Variants in MGMT observed in about 807,000 individuals in gnomAD.
MGMT encodes methylated-DNA--protein-cysteine methyltransferase.
A neutral mutation model predicts 15.9 loss-of-function variants in MGMT; 14 were observed. The observed-to-expected ratio is 0.88, with a 90% CI of 0.58 to 1.37. The LOEUF is 1.37. Ranked by LOEUF, MGMT falls within the 40% of genes most tolerant of loss-of-function variation. MGMT has a pLI of 0.00. For missense variants in MGMT, 282 were observed against 268.1 expected (o/e 1.05, Z -0.36); for synonymous variants, 130 against 118.2 (o/e 1.10, Z -0.65).
rs559670340 is a variant in MGMT, at chr10:129,642,389, C to G, written c.126-65506C>G. On this transcript the variant is annotated intron_variant, in intron 2 of 4. Transcript: ENST00000651593. ...TTTTGAAAATGATGTTCCCAGGAAT[C>G]TTTATAACCAAGGAGAATCCTTACT... 9.3e-4 allele frequency among the ~76,000 whole-genome samples: 141 copies of G among 152,100 alleles called. 1 individual carries two copies. The highest frequency in any genetic ancestry group is 3.4e-3 in the African/African-American group (140 of 41,472).
intron 1 of MGMT, among the ~76,000 whole-genome samples, chr10:129,527,751 C>T (rs1463981219): frequency 7.0e-6 from 1 of 142,680 alleles, no homozygotes; most frequent in Admixed American, 6.9e-5. Flanking sequence ...CCGTGTTCTC[C>T]CTCGTTTCTC....
In MGMT at chr10:129,751,248, A is replaced by G. The variant is rs138220763; in HGVS notation, c.275-7954A>G. ...ATAGGAGTATTCAGTTTCATCTTGG[A>G]TAAGTTTGGTAGTTTGTAGTTTTTG... On this transcript the variant is annotated intron_variant, in intron 3 of 4. Transcript: ENST00000651593. Among the ~76,000 whole-genome samples, 1,053 of 152,100 alleles carry G rather than the reference A, an allele frequency of 6.9e-3. 8 individuals carry two copies. Among genetic ancestry groups the G allele is most frequent in the Non-Finnish European group, 0.011 (754 of 67,866 alleles).
intron 2 of MGMT, among the ~76,000 whole-genome samples, chr10:129,673,605 A>G (rs1011456809): frequency 3.3e-5 from 5 of 152,154 alleles, no homozygotes; most frequent in African/African-American, 1.2e-4. Flanking sequence ...GCACTGGCCA[A>G]GGACCAGCCC....
At chr10:129,540,199 C>T (rs943798745) in intron 2 of MGMT, among the ~76,000 whole-genome samples, 5 of 152,186 alleles carry the variant, frequency 3.3e-5, no homozygotes, top group African/African-American at 1.2e-4. Context: ...TTTATTGCTG[C>T]TTGTGTTTAA....
At chr10:129,722,937 CAG>C (rs1047519078) in intron 3 of MGMT, among the ~76,000 whole-genome samples, 2 of 135,126 alleles carry the variant, frequency 1.5e-5, no homozygotes, top group Non-Finnish European at 3.0e-5. Context: ...ACCCAGGAGA[CAG>C]AGGTTGCAGT....
intron 2 of MGMT, among the ~76,000 whole-genome samples, chr10:129,640,160 C>T (rs930184934): frequency 4.0e-5 from 6 of 150,840 alleles, no homozygotes; most frequent in Non-Finnish European, 5.9e-5. Context: ...TTCAGAGGCA[C>T]GATCTTGGCT....
intron 2 of MGMT, among the ~76,000 whole-genome samples, chr10:129,538,242 T>C (rs565308499): frequency 6.6e-5 from 10 of 152,360 alleles, no homozygotes; most frequent in Admixed American, 3.3e-4. Context: ...GCCGAAGATA[T>C]AGAACATTCA....
chr10:129,731,103 G>A (rs1215853738), intron 3 of MGMT, among the ~76,000 whole-genome samples: 1 of 152,172 alleles, frequency 6.6e-6, no homozygotes, highest in East Asian at 1.9e-4. Flanking sequence ...AGGGCTGGTA[G>A]CATAATCTGG....
At chr10:129,754,031 A>T (rs73377868) in intron 3 of MGMT, among the ~76,000 whole-genome samples, 1 of 152,196 alleles carries the variant, frequency 6.6e-6, no homozygotes, top group African/African-American at 2.4e-5. Context: ...TCTTAACATC[A>T]GTTCTTTTGT....
chr10:129,539,798 G>A (rs1000555491), intron 2 of MGMT, among the ~76,000 whole-genome samples: 37 of 152,184 alleles, frequency 2.4e-4, no homozygotes, highest in African/African-American at 8.4e-4. Context: ...GAGCCACCGC[G>A]CCCGGCCTGT....
At chr10:129,564,627 G>C (rs1457602913) in intron 2 of MGMT, among the ~76,000 whole-genome samples, 1 of 19,894 alleles carries the variant, frequency 5.0e-5, no homozygotes, top group African/African-American at 1.5e-4. Context: ...CTCCTCCCCT[G>C]CTTCCCCTCC....
At chr10:129,762,157 C>T (rs142692801) in intron 4 of MGMT, among the ~76,000 whole-genome samples, 177 of 152,354 alleles carry the variant, frequency 1.2e-3, no homozygotes, top group African/African-American at 3.9e-3. Context: ...CGGAAGGCTG[C>T]GCACATCCAC....
At chr10:129,483,988 A>G (rs562024365) in intron 1 of MGMT, among the ~76,000 whole-genome samples, 1 of 152,192 alleles carries the variant, frequency 6.6e-6, no homozygotes, top group Non-Finnish European at 1.5e-5. Flanking sequence ...GCCTGCAGGA[A>G]ATCTTATGTA....
chr10:129,573,608 A>G (rs1846444830), intron 2 of MGMT, among the ~76,000 whole-genome samples: 1 of 151,970 alleles, frequency 6.6e-6, no homozygotes, highest in African/African-American at 2.4e-5. Flanking sequence ...TTTATTTGAA[A>G]TGTGTTTTAA....
At chr10:129,671,024 T>C (rs766452808) in intron 2 of MGMT, among the ~76,000 whole-genome samples, 4 of 152,218 alleles carry the variant, frequency 2.6e-5, no homozygotes, top group Admixed American at 6.5e-5. Context: ...TAATCCTCCT[T>C]CTGCCTGAAG....
chr10:129,617,808 A>C (rs982720374), intron 2 of MGMT, among the ~76,000 whole-genome samples: 2 of 151,748 alleles, frequency 1.3e-5, no homozygotes, highest in Non-Finnish European at 2.9e-5. Flanking sequence ...TAATTTGTTT[A>C]AGTTCTTTAT....
intron 2 of MGMT, among the ~76,000 whole-genome samples, chr10:129,592,920 C>G (rs1324126771): frequency 6.6e-6 from 1 of 151,852 alleles, no homozygotes; most frequent in African/African-American, 2.4e-5. Context: ...TCATTTCAAA[C>G]ACAGTATCAA....
intron 1 of MGMT, among the ~76,000 whole-genome samples, chr10:129,523,654 G>A (rs1051734459): frequency 6.6e-6 from 1 of 152,174 alleles, no homozygotes; most frequent in African/African-American, 2.4e-5. Context: ...TTTGGGGACT[G>A]TGAAATCTCT....
At chr10:129,627,187 G>A (rs959036639) in intron 2 of MGMT, among the ~76,000 whole-genome samples, 1 of 152,180 alleles carries the variant, frequency 6.6e-6, no homozygotes, top group African/African-American at 2.4e-5. Flanking sequence ...CTGAAGATGG[G>A]TGTGCTGGGG....
Sources: gnomAD v4.1 joint callset for allele counts (sites outside exome capture counted in the v4.1 genomes callset) on GRCh38, gnomAD v4.1.1 for gene constraint, MANE v1.5 for transcripts, NCBI Gene and HGNC (gene_info 2026-07-23, HGNC 2026-07-21) for gene names.